Variants in SYNE1 observed in about 807,000 individuals in gnomAD.
The protein encoded by SYNE1 is spectrin repeat containing nuclear envelope protein 1, also known as nesprin-1.
In SYNE1, 616 loss-of-function variants were observed where a neutral mutation model predicts 1,111.0. The observed-to-expected ratio is 0.55, with a 90% confidence interval of 0.52 to 0.59. The LOEUF is 0.59. SYNE1 is among the 20% of genes least tolerant of loss of function. The pLI is 0.00. For missense variants in SYNE1, 10,006 were observed against 10,417.0 expected (o/e 0.96, Z 1.72); for synonymous variants, 3,855 against 3,825.8 (o/e 1.01, Z -0.28).
chr6:152,212,249 A>G (rs1324185438), intron 123 of SYNE1, among the ~76,000 whole-genome samples: 1 of 152,154 alleles, frequency 6.6e-6, no homozygotes, highest in East Asian at 1.9e-4. Context: ...CCCCAAAAAG[A>G]AAGTCCATCC....
chr6:152,428,343 G>A lies in SYNE1; in HGVS notation c.4838C>T (p.Ser1613Leu). ...ESLSSAITAF[S>L]ASARKVVNRD... Reference sequence around the variant, plus strand: ...GTTCACAACCTTCCTGGCACTGGCTGAGAAGGCAGTGATCGCGCTGCTCAG... The same window carrying A: ...GTTCACAACCTTCCTGGCACTGGCTAAGAAGGCAGTGATCGCGCTGCTCAG... Residue 1613 changes from serine (S) to leucine (L), a missense_variant, in exon 37 of 146, where the codon TCA becomes TTA. By Grantham distance (145) the Ser-to-Leu change is moderately radical. Transcript: ENST00000367255. The A allele has an allele frequency of 1.2e-6, 2 of 1,614,092 alleles. No homozygotes were observed. The highest frequency in any genetic ancestry group is 1.7e-6 in the Non-Finnish European group (2 of 1,180,024).
intron 51 of SYNE1, among the ~76,000 whole-genome samples, chr6:152,392,210 T>C (rs1563651952): frequency 6.6e-6 from 1 of 152,134 alleles, no homozygotes; most frequent in Non-Finnish European, 1.5e-5. Flanking sequence ...AGGGCCATTA[T>C]ATTCATCTTA....
Position 152,461,157 on chromosome 6 carries a change from G to T in SYNE1, c.2394+440C>A, listed in dbSNP as rs117771387. ...TAAGTGAGCTCCATGAGATGAGGAG[G>T]TCAGAATTTCCACAGCTTTGTGGCT... On this transcript the variant is annotated intron_variant, in intron 21 of 145. Transcript: ENST00000367255. Among the ~76,000 whole-genome samples, 22 of 152,242 alleles carry T rather than the reference G, an allele frequency of 1.4e-4. No homozygotes were observed. The East Asian group carries it at 4.1e-3, about 28-fold the overall frequency.
intron 84 of SYNE1, 32 bp from the exon 85 acceptor site, chr6:152,319,047 C>G: frequency 1.2e-6 from 2 of 1,612,966 alleles, no homozygotes; most frequent in Non-Finnish European, 1.7e-6. Flanking sequence ...GCAAAACAAG[C>G]CATGGTTAAA....
At chr6:152,419,766 C>G (rs1337744426) in intron 39 of SYNE1, 44 bp from the exon 40 acceptor site, 1 of 1,603,510 alleles carries the variant, frequency 6.2e-7, no homozygotes, top group South Asian at 1.1e-5. Context: ...CATAAGTAAA[C>G]AGAAAGGATT....
At chr6:152,446,688 G>A (rs962407267) in intron 29 of SYNE1, among the ~76,000 whole-genome samples, 3 of 151,940 alleles carry the variant, frequency 2.0e-5, no homozygotes, top group Non-Finnish European at 4.4e-5. Context: ...TCTACTTTAC[G>A]TTCTTACATT....
intron 3 of SYNE1, among the ~76,000 whole-genome samples, chr6:152,608,315 T>C (rs2099621925): frequency 6.6e-6 from 1 of 152,176 alleles, no homozygotes; most frequent in Non-Finnish European, 1.5e-5. Context: ...TTCACCTCAT[T>C]TTGCAAAGTT....
At chr6:152,146,911 A>G (rs1311594374) in intron 137 of SYNE1, 1 of 152,188 alleles carries the variant, frequency 6.6e-6, no homozygotes, top group African/African-American at 2.4e-5. Context: ...TACCTACCCA[A>G]TCTGCATTTC....
chr6:152,246,232 G>C (rs1031903786), intron 105 of SYNE1, among the ~76,000 whole-genome samples: 11 of 151,940 alleles, frequency 7.2e-5, no homozygotes, highest in African/African-American at 2.4e-4. Flanking sequence ...GGCAACAAAA[G>C]ATTTCAATAT....
Position 152,526,185 on chromosome 6 carries a change from CAA to C in SYNE1, c.130-12_130-11del, listed in dbSNP as rs2099162663. ...CCATTGGAGGTTTCCGCTGTAAAAG[CAA>C]AGAGGAATAAGTGCAGAAAATATCT... On this transcript the variant is annotated splice_polypyrimidine_tract_variant and intron_variant, in intron 4 of 145. Coordinates refer to ENST00000367255, the MANE Select transcript of SYNE1 (RefSeq NM_182961.4). 1.9e-6 allele frequency: 3 copies of C among 1,612,856 alleles called. No individual in the cohort carries two copies. The African/African-American group carries it at 4.0e-5, about 22-fold the overall frequency.
intron 18 of SYNE1, 176 bp downstream of exon 18, chr6:152,465,082 A>G (rs961137704): frequency 7.5e-6 from 5 of 671,108 alleles, no homozygotes; most frequent in Non-Finnish European, 1.0e-5. Flanking sequence ...ATCAGCTTCT[A>G]TTAAGCAGTG....
At chr6:152,471,815 A>G in intron 15 of SYNE1, 50 bp from the exon 16 acceptor site, 2 of 1,545,588 alleles carry the variant, frequency 1.3e-6, no homozygotes, top group Non-Finnish European at 1.8e-6. Context: ...TAGTAACAGA[A>G]CTGATGCTTA....
At chr6:152,428,115 C>G (rs2098388105) in intron 37 of SYNE1, 90 bp downstream of exon 37, 2 of 1,542,204 alleles carry the variant, frequency 1.3e-6, no homozygotes. Context: ...TCTTTTGCAT[C>G]TGGGATAACT....
rs2154081584 is a variant in SYNE1 at position 152,367,352 on chromosome 6, C to T, written c.9838G>A (p.Ala3280Thr). 1.2e-6 allele frequency: 2 copies of T among 1,614,144 alleles called. No individual in the cohort carries two copies. Among genetic ancestry groups the T allele is most frequent in the Non-Finnish European group, 8.5e-7 (1 of 1,180,034 alleles). ...EKVSRLDRIV[A>T]EHNQFSLGIK... ...CCAAGAGAGAACTGATTGTGTTCTG[C>T]AACGATTCTATCCAGTCTTGACACT... Residue 3280 changes from alanine to threonine, a missense_variant, in exon 62 of 146, where the codon GCA (alanine) becomes ACA (threonine). This residue lies in a region of SYNE1 where 4,955 missense variants were observed against 5,017.2 expected (regional missense o/e 0.99). Coordinates refer to ENST00000367255, the MANE Select transcript of SYNE1 (RefSeq NM_182961.4).
chr6:152,518,003 T>A (rs1240225962), intron 6 of SYNE1, among the ~76,000 whole-genome samples: 1 of 151,056 alleles, frequency 6.6e-6, no homozygotes, highest in Non-Finnish European at 1.5e-5. Context: ...GGGCACAAAA[T>A]AGAACACAAA....
At chr6:152,203,273 T>G (rs934693109) in intron 126 of SYNE1, among the ~76,000 whole-genome samples, 2 of 152,232 alleles carry the variant, frequency 1.3e-5, no homozygotes, top group African/African-American at 4.8e-5. Flanking sequence ...TTTTAAAAAA[T>G]GACAGGAACC....
At chr6:152,607,683 G>A (rs1307078844) in intron 3 of SYNE1, among the ~76,000 whole-genome samples, 2 of 152,112 alleles carry the variant, frequency 1.3e-5, no homozygotes, top group Non-Finnish European at 2.9e-5. Flanking sequence ...CCATTACTGG[G>A]TATATACCCA....
At chr6:152,349,758 T>C (rs1590800094) in intron 72 of SYNE1, among the ~76,000 whole-genome samples, 3 of 152,196 alleles carry the variant, frequency 2.0e-5, no homozygotes, top group Non-Finnish European at 4.4e-5. Context: ...TGGTAGGAGA[T>C]AACTGAATCA....
intron 104 of SYNE1, among the ~76,000 whole-genome samples, chr6:152,249,905 G>A (rs6940851): frequency 0.58 from 88,406 of 151,966 alleles, 26,114 homozygotes; most frequent in East Asian, 0.76. Context: ...TGTATAAAAA[G>A]GAGACAACTA....
Sources: gnomAD v4.1 joint callset for allele counts (sites outside exome capture counted in the v4.1 genomes callset) on GRCh38, gnomAD v4.1.1 for gene constraint, gnomAD v4.1.1 regional missense constraint, MANE v1.5 for transcripts, NCBI Gene and HGNC (gene_info 2026-07-23, HGNC 2026-07-21) for gene names.